ALDH3B1: variants seen among roughly 807,000 people sequenced by gnomAD.
ALDH3B1 encodes the protein aldehyde dehydrogenase family 3 member B1.
In ALDH3B1, 37 loss-of-function variants were observed where a neutral mutation model predicts 46.2. That is an observed-to-expected ratio of 0.80 (90% confidence interval 0.62 to 1.05). The LOEUF is 1.05. ALDH3B1 is among the 50% of genes least tolerant of loss of function. The probability of loss-of-function intolerance (pLI) is 0.00; values close to 1 mark genes in which losing one functional copy is unlikely to be tolerated. For missense variants in ALDH3B1, 603 were observed against 665.5 expected, an observed-to-expected ratio of 0.91 and a Z score of 1.03; for synonymous variants, 283 against 281.0, an observed-to-expected ratio of 1.01 and a Z score of -0.07.
intron 8 of ALDH3B1, among the ~76,000 whole-genome samples, chr11:68,023,777 C>G (rs779022171): frequency 1.3e-5 from 2 of 151,882 alleles, no homozygotes; most frequent in Admixed American, 6.6e-5. Context: ...CGCGGTGGCT[C>G]ACACCTGTAA....
chr11:68,023,210 C>G (rs2134397340), intron 8 of ALDH3B1, among the ~76,000 whole-genome samples: 1 of 152,250 alleles, frequency 6.6e-6, no homozygotes, highest in South Asian at 2.1e-4. Flanking sequence ...CCAGAGTCCT[C>G]AGATTAAAAA....
At chr11:68,009,691 G>C (rs1195081733), upstream of ALDH3B1, among the ~76,000 whole-genome samples, 1 of 152,232 alleles carries the variant, frequency 6.6e-6, no homozygotes, top group Non-Finnish European at 1.5e-5. Context: ...AGTAGTTTAG[G>C]TCAGGGGTTG....
intron 1 of ALDH3B1, 89 bp from the exon 2 acceptor site, chr11:68,015,208 C>A: frequency 1.4e-6 from 2 of 1,381,492 alleles, no homozygotes; most frequent in South Asian, 1.5e-5. Flanking sequence ...GCAGGCAGGT[C>A]AGGGGTGCCC....
intron 6 of ALDH3B1, among the ~76,000 whole-genome samples, chr11:68,020,255 G>A (rs1252662621): frequency 3.3e-5 from 5 of 151,880 alleles, no homozygotes; most frequent in Non-Finnish European, 7.4e-5. Flanking sequence ...TTGAGACAGA[G>A]TCTTGCTCTG....
intron 4 of ALDH3B1, 79 bp from the exon 5 acceptor site, chr11:68,019,091 C>A: frequency 6.6e-7 from 1 of 1,504,630 alleles, no homozygotes; most frequent in Non-Finnish European, 9.0e-7. Context: ...GTGGGTGAGG[C>A]TGATGCCTGC....
intron 6 of ALDH3B1, among the ~76,000 whole-genome samples, chr11:68,020,234 T>C (rs1424223606): frequency 6.6e-6 from 1 of 152,048 alleles, no homozygotes; most frequent in East Asian, 1.9e-4. Context: ...TCACTTTTTT[T>C]TTCTTTTTTT....
At position 68,017,846 on chromosome 11, in the gene ALDH3B1, T is replaced by A. The variant is rs1166563309; in HGVS notation, c.163-681T>A. On this transcript the variant is annotated intron_variant, in intron 2 of 9. Transcript: ENST00000342456. ...ACCTAGGCAACACAGCAAGGCACTCTGCAAAAAATCAAAACAAACTTTTTT... is the reference window on the plus strand; with the variant it reads ...ACCTAGGCAACACAGCAAGGCACTCAGCAAAAAATCAAAACAAACTTTTTT... The A allele has an allele frequency of 1.3e-5, 2 of 152,168 alleles. 1 individual carries two copies. The highest frequency in any genetic ancestry group is 6.4e-3 in the Middle Eastern group (2 of 314). 9.4% of individuals were successfully genotyped at this position (152,168 alleles called of 1,614,324 possible). A position where few individuals can be genotyped will look rare whatever the true frequency, so the allele number is the denominator to read the frequency against.
intron 1 of ALDH3B1, among the ~76,000 whole-genome samples, chr11:68,010,802 G>A (rs535242917): frequency 6.6e-6 from 1 of 152,352 alleles, no homozygotes; most frequent in South Asian, 2.1e-4. Flanking sequence ...CTGGGCACCA[G>A]CCTGCATGCC....
rs756458825 is a variant in ALDH3B1 at position 68,028,160 on chromosome 11, G to A, written c.*221G>A. The A allele has an allele frequency of 4.9e-5, 37 of 751,698 alleles. No homozygotes were observed. The African/African-American group carries it at 5.8e-4, about 12-fold the overall frequency. 46.6% of individuals were successfully genotyped at this position (751,698 alleles called of 1,614,324 possible). ...CCATGAGAGCCGAGGTGGGAGGCATGGGAAACAGTGCAGTGACTCACCCCC... is the reference window on the plus strand; with the variant it reads ...CCATGAGAGCCGAGGTGGGAGGCATAGGAAACAGTGCAGTGACTCACCCCC... On this transcript the variant is annotated 3_prime_UTR_variant, in exon 10 of 10. Coordinates refer to ENST00000342456, the MANE Select transcript of ALDH3B1 (RefSeq NM_000694.4).
intron 1 of ALDH3B1, among the ~76,000 whole-genome samples, chr11:68,013,134 C>G (rs1318218172): frequency 6.6e-6 from 1 of 152,106 alleles, no homozygotes; most frequent in Non-Finnish European, 1.5e-5. Flanking sequence ...CAGGATCCCC[C>G]CAATCTCAGG....
intron 2 of ALDH3B1, chr11:68,017,112 C>T (rs1357026935): frequency 6.6e-6 from 1 of 152,364 alleles, no homozygotes; most frequent in Non-Finnish European, 1.5e-5. Context: ...TGTTCTTGCC[C>T]AAGGGCATGC....
rs3815220 is a variant in ALDH3B1 at position 68,018,644 on chromosome 11, C to T, written c.273+7C>T. 2,185 of 1,565,666 alleles carry T rather than the reference C, an allele frequency of 1.4e-3. 51 individuals are homozygous for T. The East Asian group carries it at 0.045, about 32-fold the overall frequency. On this transcript the variant is annotated splice_region_variant and intron_variant, in intron 3 of 9. Coordinates refer to ENST00000342456, the MANE Select transcript of ALDH3B1 (RefSeq NM_000694.4). ...GCGTGTGCCCAAGAACCTGGTGAGC[C>T]GGCCGGGCTGAGGCGGGCAGGGGGC...
rs1462460651 is a variant in ALDH3B1, at chr11:68,015,377, C to A, written c.80C>A (p.Ala27Asp). ...AGRTRPAEFR[A>D]AQLQGLGRFL... ...CGCACGCGGCCAGCTGAGTTCCGGG[C>A]TGCGCAGCTCCAAGGCCTGGGCCGC... Residue 27 changes from alanine (A) to aspartate (D), a missense_variant, in exon 2 of 10, where the codon GCT becomes GAT. Physicochemically the swap from Ala to Asp is moderately radical, Grantham distance 126 (BLOSUM62 -2). Transcript: ENST00000342456. The A allele has an allele frequency of 1.3e-6, 2 of 1,551,476 alleles. No individual in the cohort carries two copies. The highest frequency in any genetic ancestry group is 4.9e-5 in the East Asian group (2 of 41,154).
At position 68,021,753 on chromosome 11, in the gene ALDH3B1, G is replaced by A; in HGVS notation, c.831G>A (p.Gln277=). Residue 277 remains glutamine, a synonymous_variant, in exon 7 of 10, where the codon CAG becomes CAA. Coordinates refer to ENST00000342456, the MANE Select transcript of ALDH3B1 (RefSeq NM_000694.4). ...TITRFYGDDP[Q]SSPNLGRIIN... ...CCCGTTTCTATGGCGACGACCCCCA[G>A]AGCTCCCCAAACCTGGGCCGCATCA... 6.2e-7 allele frequency: 1 copy of A among 1,614,196 alleles called. No homozygotes were observed. The highest frequency in any genetic ancestry group is 1.7e-5 in the Admixed American group (1 of 60,030).
intron 8 of ALDH3B1, 72 bp downstream of exon 8, chr11:68,022,833 G>A: frequency 6.3e-7 from 1 of 1,586,210 alleles, no homozygotes; most frequent in Non-Finnish European, 8.6e-7. Flanking sequence ...AGCAGGGGGG[G>A]CACCAAAATC....
Position 68,027,838 on chromosome 11 carries a change from G to A in ALDH3B1, c.1306G>A (p.Glu436Lys), listed in dbSNP as rs199635628. ...RACLLRSPGM[E>K]KLNALRYPPQ... ...CTGCCTCCTGCGCAGCCCGGGGATG[G>A]AGAAGCTCAACGCCCTCCGCTACCC... The change falls in exon 10 of 10, where the codon GAG (glutamate) becomes AAG (lysine). Residue 436 changes from glutamate to lysine, a missense_variant. Glu to Lys is a moderately conservative substitution (Grantham distance 56, BLOSUM62 1). Coordinates refer to ENST00000342456, the MANE Select transcript of ALDH3B1 (RefSeq NM_000694.4). The A allele has an allele frequency of 6.0e-4, 932 of 1,554,784 alleles. 2 individuals are homozygous for A. Among genetic ancestry groups the A allele is most frequent in the Non-Finnish European group, 7.6e-4 (873 of 1,149,354 alleles).
In ALDH3B1 at chr11:68,026,028, C is replaced by T; in HGVS notation, c.1136C>T (p.Thr379Ile). The T allele has an allele frequency of 6.2e-7, 1 of 1,607,454 alleles. No individual in the cohort carries two copies. Among genetic ancestry groups the T allele is most frequent in the Non-Finnish European group, 8.5e-7 (1 of 1,176,938 alleles). ...NSSQVVKRVL[T>I]QTSSGGFCGN... The stretch of plus-strand genomic sequence containing the variant: ...TCCCAGGTGGTCAAGCGGGTGCTGA[C>T]CCAGACCAGCAGCGGGGGCTTCTGT... Residue 379 changes from threonine (T) to isoleucine (I), a missense_variant, in exon 9 of 10, where the codon ACC (threonine) becomes ATC (isoleucine). Coordinates refer to ENST00000342456, the MANE Select transcript of ALDH3B1 (RefSeq NM_000694.4).
At chr11:68,023,941 A>G (rs1857564143) in intron 8 of ALDH3B1, among the ~76,000 whole-genome samples, 1 of 150,620 alleles carries the variant, frequency 6.6e-6, no homozygotes, top group Non-Finnish European at 1.5e-5. Flanking sequence ...GCTGCTCGGG[A>G]GGCTGAGGTG....
chr11:68,009,080 C>A (rs949369699), upstream of ALDH3B1, among the ~76,000 whole-genome samples: 5 of 152,180 alleles, frequency 3.3e-5, no homozygotes, highest in Non-Finnish European at 1.5e-5. Context: ...GGCACTCCTC[C>A]TGGGAGGCAG....
Sources: gnomAD v4.1 joint callset for allele counts (sites outside exome capture counted in the v4.1 genomes callset) on GRCh38, gnomAD v4.1.1 for gene constraint, MANE v1.5 for transcripts, NCBI Gene and HGNC (gene_info 2026-07-23, HGNC 2026-07-21) for gene names.